Variants in FYB2 observed in about 807,000 individuals in gnomAD.
The protein encoded by FYB2 is FYN binding protein 2.
FYB2 carries 103 observed loss-of-function variants against 94.1 expected under a neutral mutation model. That is an observed-to-expected ratio of 1.09 (90% CI 0.93 to 1.29). The LOEUF (loss-of-function observed/expected upper bound fraction) is 1.29. Among genes scored for constraint, FYB2 ranks in the 50% most tolerant of loss-of-function variants. The probability of loss-of-function intolerance (pLI) is 0.00; values close to 1 mark genes in which losing one functional copy is unlikely to be tolerated. For synonymous variants in FYB2, 293 were observed against 287.9 expected (o/e 1.02, Z -0.18); for missense variants, 896 against 841.5 (o/e 1.06, Z -0.80).
intron 15 of FYB2, among the ~76,000 whole-genome samples, chr1:56,732,277 G>A (rs1049272786): frequency 6.6e-6 from 1 of 152,006 alleles, no homozygotes; most frequent in East Asian, 1.9e-4. Context: ...TAGCCAAGGA[G>A]GTGAAAGACT....
At chr1:56,719,922 A>G in intron 19 of FYB2, 100 bp downstream of exon 19, 1 of 1,291,170 alleles carries the variant, frequency 7.7e-7, no homozygotes, top group Non-Finnish European at 1.1e-6. Context: ...TTTAAAACTT[A>G]TCCTGAATTT....
chr1:56,758,105 C>T (rs1645402382), intron 6 of FYB2, among the ~76,000 whole-genome samples: 1 of 151,952 alleles, frequency 6.6e-6, no homozygotes, highest in Non-Finnish European at 1.5e-5. Context: ...ATAGAGGACA[C>T]ATCTAAGTCT....
At chr1:56,797,576 C>T (rs1364959468) in intron 1 of FYB2, among the ~76,000 whole-genome samples, 1 of 152,050 alleles carries the variant, frequency 6.6e-6, no homozygotes, top group African/African-American at 2.4e-5. Context: ...AAATGAGGCC[C>T]TGAGGGTGTG....
chr1:56,806,284 G>C (rs1325752616), intron 1 of FYB2, among the ~76,000 whole-genome samples: 1 of 152,180 alleles, frequency 6.6e-6, no homozygotes, highest in Non-Finnish European at 1.5e-5. Flanking sequence ...AAGTGAGACA[G>C]ACATAAAGAA....
intron 1 of FYB2, among the ~76,000 whole-genome samples, chr1:56,803,571 G>T (rs894022559): frequency 3.3e-5 from 5 of 152,198 alleles, no homozygotes; most frequent in African/African-American, 1.2e-4. Context: ...CAAAAATGTT[G>T]CAGGGATCTG....
intron 15 of FYB2, among the ~76,000 whole-genome samples, chr1:56,729,973 C>T (rs1034185432): frequency 1.3e-5 from 2 of 151,920 alleles, no homozygotes; most frequent in South Asian, 2.1e-4. Flanking sequence ...CTTAAAAATT[C>T]TTTGAAACAA....
intron 4 of FYB2, among the ~76,000 whole-genome samples, chr1:56,770,607 T>C (rs1645731031): frequency 6.6e-6 from 1 of 152,094 alleles, no homozygotes; most frequent in Non-Finnish European, 1.5e-5. Flanking sequence ...TGGCTTAACA[T>C]CAGAAAATCT....
At chr1:56,743,612 T>C (rs1645004860) in intron 11 of FYB2, among the ~76,000 whole-genome samples, 1 of 151,990 alleles carries the variant, frequency 6.6e-6, no homozygotes, top group South Asian at 2.1e-4. Context: ...GTCTCAAAGA[T>C]GAAGATTGAG....
intron 4 of FYB2, among the ~76,000 whole-genome samples, chr1:56,773,536 G>C (rs563527032): frequency 6.6e-6 from 1 of 152,120 alleles, no homozygotes; most frequent in Non-Finnish European, 1.5e-5. Context: ...GTCACTGTGA[G>C]GGTTTAGTGT....
intron 6 of FYB2, 115 bp downstream of exon 6, chr1:56,758,601 A>T: frequency 1.2e-6 from 1 of 818,378 alleles, no homozygotes; most frequent in Non-Finnish European, 1.8e-6. Context: ...ATCCTCAGAA[A>T]TAGGAGGAAA....
intron 4 of FYB2, among the ~76,000 whole-genome samples, chr1:56,776,282 T>C (rs540503640): frequency 3.3e-5 from 5 of 152,304 alleles, no homozygotes; most frequent in African/African-American, 1.2e-4. Context: ...ATTAGTTATT[T>C]ATATGGGGAA....
At chr1:56,747,603 C>T (rs893656096) in intron 9 of FYB2, among the ~76,000 whole-genome samples, 2 of 152,100 alleles carry the variant, frequency 1.3e-5, no homozygotes, top group Non-Finnish European at 2.9e-5. Context: ...TTTTTTATGG[C>T]TGCATAGTAT....
At position 56,726,542 on chromosome 1, in the gene FYB2, G is replaced by A. The variant is rs750875434; in HGVS notation, c.1835C>T (p.Thr612Ile). Residue 612 changes from threonine to isoleucine, a missense_variant, in exon 16 of 20, where the codon ACA becomes ATA. Thr to Ile is a moderately conservative substitution (Grantham distance 89). Transcript: ENST00000343433. ...GTTTTTCTCTTTTTTTTCCTTTGGT[G>A]TCAGAAACTTGGGCTTCCACATTTT... ...KLKMWKPKFL[T>I]PKEKKEKNGA... 1 of 1,611,464 alleles carries A rather than the reference G, an allele frequency of 6.2e-7. No individual in the cohort carries two copies. Among genetic ancestry groups the A allele is most frequent in the African/African-American group, 1.3e-5 (1 of 74,766 alleles).
chr1:56,817,799 A>C (rs1432296340), intron 1 of FYB2, among the ~76,000 whole-genome samples: 2 of 152,226 alleles, frequency 1.3e-5, no homozygotes, highest in Non-Finnish European at 2.9e-5. Flanking sequence ...TAGCTAACAA[A>C]CATGCTCTTT....
intron 5 of FYB2, among the ~76,000 whole-genome samples, chr1:56,767,482 G>C (rs906375044): frequency 1.6e-4 from 24 of 152,256 alleles, no homozygotes; most frequent in African/African-American, 5.8e-4. Flanking sequence ...CAGGAGAAAA[G>C]AGATGAAGTT....
At chr1:56,728,812 T>G (rs1465607730) in intron 15 of FYB2, among the ~76,000 whole-genome samples, 1 of 152,168 alleles carries the variant, frequency 6.6e-6, no homozygotes, top group African/African-American at 2.4e-5. Flanking sequence ...ATAGACTTAT[T>G]TTTTCATTTG....
chr1:56,720,460 C>T (rs2100467532), intron 17 of FYB2, 131 bp from the exon 18 acceptor site: 2 of 744,668 alleles, frequency 2.7e-6, no homozygotes, highest in Non-Finnish European at 3.9e-6. Flanking sequence ...ATAACACATA[C>T]AGGAAGAGAA....
chr1:56,769,417 G>A (rs1645701633), intron 4 of FYB2, among the ~76,000 whole-genome samples: 1 of 152,064 alleles, frequency 6.6e-6, no homozygotes, highest in Non-Finnish European at 1.5e-5. Flanking sequence ...TATTTAAAAA[G>A]AAGAGATAGG....
chr1:56,800,518 C>T (rs1057467207), intron 1 of FYB2, among the ~76,000 whole-genome samples: 1 of 151,836 alleles, frequency 6.6e-6, no homozygotes, highest in Non-Finnish European at 1.5e-5. Flanking sequence ...ATAATTGCAC[C>T]CCCATTATCT....
Sources: gnomAD v4.1 joint callset for allele counts (sites outside exome capture counted in the v4.1 genomes callset) on GRCh38, gnomAD v4.1.1 for gene constraint, MANE v1.5 for transcripts, NCBI Gene and HGNC (gene_info 2026-07-23, HGNC 2026-07-21) for gene names.